Variants in TRPC4AP observed in about 807,000 individuals in gnomAD.
The protein encoded by TRPC4AP is short transient receptor potential channel 4-associated protein.
A neutral mutation model predicts 99.0 loss-of-function variants in TRPC4AP; 45 were observed. That is an observed-to-expected ratio of 0.45 (90% CI 0.36 to 0.58). The LOEUF (loss-of-function observed/expected upper bound fraction) is 0.58, where lower values mean the gene tolerates loss of function less well. Ranked by LOEUF, TRPC4AP falls within the 20% of genes least tolerant of loss-of-function variation. The pLI is 0.00. For missense variants in TRPC4AP, 879 were observed against 985.3 expected (o/e 0.89, Z 1.44); for synonymous variants, 408 against 385.8 (o/e 1.06, Z -0.67).
chr20:35,039,660 A>G (rs1006566486), intron 7 of TRPC4AP, among the ~76,000 whole-genome samples: 2 of 152,084 alleles, frequency 1.3e-5, no homozygotes, highest in Non-Finnish European at 2.9e-5. Context: ...TGCATAATTC[A>G]GCCCCTCTCA....
chr20:35,041,564 A>G (rs1022643995), intron 7 of TRPC4AP, among the ~76,000 whole-genome samples: 2 of 152,234 alleles, frequency 1.3e-5, no homozygotes, highest in Non-Finnish European at 2.9e-5. Context: ...TAAAAAAACA[A>G]AAACAAAAAC....
chr20:35,068,984 A>AAAAAAAAC (rs144241228), intron 3 of TRPC4AP, among the ~76,000 whole-genome samples: 2,720 of 139,774 alleles, frequency 0.019, 110 homozygotes, highest in African/African-American at 0.075. Context: ...CACACAAAAA[A>AAAAAAAAC]AACAAAACAT....
intron 3 of TRPC4AP, among the ~76,000 whole-genome samples, chr20:35,060,790 A>G (rs1185253080): frequency 1.3e-5 from 2 of 152,096 alleles, no homozygotes; most frequent in Non-Finnish European, 1.5e-5. Flanking sequence ...AAAAAAACCC[A>G]AAACACTTTC....
chr20:35,031,516 G>A (rs1280731393), intron 8 of TRPC4AP, among the ~76,000 whole-genome samples: 1 of 150,094 alleles, frequency 6.7e-6, no homozygotes, highest in African/African-American at 2.5e-5. Flanking sequence ...GATTACAGGT[G>A]TGCGCCAACA....
At chr20:35,046,629 T>C (rs893046864) in intron 6 of TRPC4AP, among the ~76,000 whole-genome samples, 3 of 152,188 alleles carry the variant, frequency 2.0e-5, no homozygotes, top group African/African-American at 7.2e-5. Flanking sequence ...ATGAATCCCA[T>C]ACTCGCCTCT....
chr20:35,053,722 T>C (rs1175844418), intron 5 of TRPC4AP, among the ~76,000 whole-genome samples: 1 of 152,142 alleles, frequency 6.6e-6, no homozygotes, highest in African/African-American at 2.4e-5. Context: ...CAAGTAAATA[T>C]CTCATTAATA....
At chr20:35,091,497 C>A (rs1487945952) in intron 1 of TRPC4AP, among the ~76,000 whole-genome samples, 1 of 152,174 alleles carries the variant, frequency 6.6e-6, no homozygotes, top group Non-Finnish European at 1.5e-5. Context: ...CTCCCATTTT[C>A]TCCCCCTTTA....
chr20:35,049,564 G>C (rs2083647423), intron 6 of TRPC4AP, among the ~76,000 whole-genome samples: 1 of 152,172 alleles, frequency 6.6e-6, no homozygotes, highest in Admixed American at 6.5e-5. Context: ...CCCCAACGGT[G>C]ATGAGTGAGG....
At chr20:35,050,945 TACAATCTG>T (rs2083683951) in intron 5 of TRPC4AP, among the ~76,000 whole-genome samples, 1 of 151,810 alleles carries the variant, frequency 6.6e-6, no homozygotes, top group South Asian at 2.1e-4. Context: ...CGCAGTGAGC[TACAATCTG>T]TCTCACCACT....
chr20:35,069,431 A>C lies in TRPC4AP; in HGVS notation c.298-19T>G. 1 of 1,492,668 alleles carries C rather than the reference A, an allele frequency of 6.7e-7. No homozygotes were observed. The highest frequency in any genetic ancestry group is 9.3e-7 in the Non-Finnish European group (1 of 1,072,250). 92.5% of individuals were successfully genotyped at this position (1,492,668 alleles called of 1,614,324 possible). ...AAATTTCCTAGTTTTTTTAAAAAAA[A>C]GTACATACATTGTTTTAGTAACCAA... On this transcript the variant is annotated intron_variant, in intron 2 of 18. Transcript: ENST00000252015.
chr20:35,011,137 A>G (rs1029148394), intron 11 of TRPC4AP, among the ~76,000 whole-genome samples: 6 of 152,168 alleles, frequency 3.9e-5, no homozygotes, highest in African/African-American at 1.4e-4. Context: ...GCACACGCCT[A>G]TAATCCTAGC....
intron 2 of TRPC4AP, among the ~76,000 whole-genome samples, chr20:35,075,327 T>C (rs1480419312): frequency 1.3e-5 from 2 of 152,204 alleles, no homozygotes; most frequent in Non-Finnish European, 2.9e-5. Flanking sequence ...TTTTGCTCAT[T>C]AGTTGATGCA....
intron 2 of TRPC4AP, among the ~76,000 whole-genome samples, chr20:35,075,550 G>GA (rs1213181234): frequency 6.6e-6 from 1 of 152,182 alleles, no homozygotes; most frequent in African/African-American, 2.4e-5. Context: ...ACTCTGGGTT[G>GA]AAAATTCTTT....
At chr20:35,023,316 T>A (rs1303082249) in intron 8 of TRPC4AP, among the ~76,000 whole-genome samples, 1 of 152,142 alleles carries the variant, frequency 6.6e-6, no homozygotes, top group Admixed American at 6.5e-5. Flanking sequence ...TACCCCTTAA[T>A]GTTGTAAGGA....
At chr20:35,069,485 G>A in intron 2 of TRPC4AP, 73 bp from the exon 3 acceptor site, 1 of 959,830 alleles carries the variant, frequency 1.0e-6, no homozygotes, top group South Asian at 1.4e-5. Flanking sequence ...GCATCAGTTT[G>A]AGCTTTAGTC....
At chr20:35,032,122 T>G (rs1392406122) in intron 8 of TRPC4AP, among the ~76,000 whole-genome samples, 1 of 152,210 alleles carries the variant, frequency 6.6e-6, no homozygotes, top group African/African-American at 2.4e-5. Context: ...ACTCCTGGCC[T>G]CAAGTGCTCC....
intron 8 of TRPC4AP, among the ~76,000 whole-genome samples, chr20:35,030,864 CTCTT>C (rs142977700): frequency 0.08 from 12,223 of 152,212 alleles, 571 homozygotes; most frequent in South Asian, 0.13. Context: ...ACTTAAGGTG[CTCTT>C]TGTTTTTCAT....
chr20:35,060,775 T>TG (rs1156766643), intron 3 of TRPC4AP, among the ~76,000 whole-genome samples: 1 of 151,584 alleles, frequency 6.6e-6, no homozygotes, highest in Non-Finnish European at 1.5e-5. Flanking sequence ...AAAAAGCGTT[T>TG]GGAAAAAAAA....
At chr20:35,027,215 C>G (rs1198028260) in intron 8 of TRPC4AP, among the ~76,000 whole-genome samples, 3 of 152,156 alleles carry the variant, frequency 2.0e-5, no homozygotes, top group Non-Finnish European at 4.4e-5. Flanking sequence ...TGCCCTTTAA[C>G]AGGCTGAGGA....
Sources: allele counts gnomAD v4.1 joint callset (sites outside exome capture counted in the v4.1 genomes callset), GRCh38; gene constraint gnomAD v4.1.1; transcripts MANE v1.5; gene names NCBI Gene and HGNC (gene_info 2026-07-23, HGNC 2026-07-21).